The following GABRG3 variants were observed in gnomAD, a reference collection of about 807,000 sequenced individuals.
GABRG3 encodes the protein gamma-aminobutyric acid receptor subunit gamma-3.
In GABRG3, 25 loss-of-function variants were observed where a neutral mutation model predicts 48.8. The observed-to-expected ratio is 0.51, with a 90% CI of 0.37 to 0.72. The LOEUF is 0.72. GABRG3 is among the 30% of genes least tolerant of loss of function. The probability of loss-of-function intolerance (pLI) is 0.00; values close to 1 mark genes in which losing one functional copy is unlikely to be tolerated. For synonymous variants in GABRG3, 227 were observed against 217.6 expected, an observed-to-expected ratio of 1.04 and a Z score of -0.38; for missense variants, 394 against 577.9, an observed-to-expected ratio of 0.68 and a Z score of 3.26.
intron 5 of GABRG3, among the ~76,000 whole-genome samples, chr15:27,461,329 C>G (rs1461847591): frequency 6.6e-6 from 1 of 152,260 alleles, no homozygotes; most frequent in Middle Eastern, 3.4e-3. Flanking sequence ...TTTCACAAAT[C>G]AAAGTTTACA....
rs541712415 is a variant in GABRG3, at chr15:26,973,608, A to G, written c.53+2020A>G. Among the ~76,000 whole-genome samples the G allele has an allele frequency of 3.3e-4, 51 of 152,244 alleles. No homozygotes were observed. The South Asian group carries it at 0.011, about 32-fold the overall frequency. On this transcript the variant is annotated intron_variant, in intron 1 of 9. Coordinates refer to ENST00000615808, the MANE Select transcript of GABRG3 (RefSeq NM_033223.5). ...GGTCTGATGGCTGTGCTTTGTGGTG[A>G]TGGCTCAGCAGCTCCCCAGAAGGGG...
At chr15:27,271,259 C>G (rs1294597117) in intron 3 of GABRG3, among the ~76,000 whole-genome samples, 1 of 152,166 alleles carries the variant, frequency 6.6e-6, no homozygotes, top group Non-Finnish European at 1.5e-5. Flanking sequence ...AGGGCTTGTC[C>G]CGACATCCTG....
At chr15:27,023,982 A>T (rs1278982949) in intron 2 of GABRG3, among the ~76,000 whole-genome samples, 1 of 152,032 alleles carries the variant, frequency 6.6e-6, no homozygotes, top group Non-Finnish European at 1.5e-5. Flanking sequence ...TGTTGCTGTT[A>T]TTGTTGTGTT....
At chr15:27,083,110 G>A (rs1040919975) in intron 3 of GABRG3, among the ~76,000 whole-genome samples, 1 of 152,166 alleles carries the variant, frequency 6.6e-6, no homozygotes, top group African/African-American at 2.4e-5. Context: ...CATGTTTTTA[G>A]TGATAACTTA....
rs1889317076 is a variant in GABRG3 at position 27,457,429 on chromosome 15, C to T, written c.575-23221C>T. Among the ~76,000 whole-genome samples the T allele has an allele frequency of 6.6e-6, 1 of 152,210 alleles. No homozygotes were observed. The highest frequency in any genetic ancestry group is 2.4e-5 in the African/African-American group (1 of 41,460). ...CCTGTTCCTTTTTTCTTTCATCCTT[C>T]TCTATCTTTGTTCACTGACAATCTT... is the stretch of plus-strand genomic sequence containing the variant. On this transcript the variant is annotated intron_variant, in intron 5 of 9. Coordinates refer to ENST00000615808, the MANE Select transcript of GABRG3 (RefSeq NM_033223.5). The surrounding 1 kb of genome is among the most constrained non-coding windows in gnomAD (Gnocchi z 4.4).
intron 3 of GABRG3, among the ~76,000 whole-genome samples, chr15:27,132,654 CTCTT>C (rs1897940624): frequency 6.7e-6 from 1 of 150,216 alleles, no homozygotes; most frequent in Admixed American, 6.6e-5. Flanking sequence ...GTTGTAATGT[CTCTT>C]TCATCTTTTG....
chr15:27,156,298 C>CAAAAA (rs34055206), intron 3 of GABRG3, among the ~76,000 whole-genome samples: 32 of 78,106 alleles, frequency 4.1e-4, no homozygotes, highest in African/African-American at 1.1e-3. Flanking sequence ...CACTCTGTCT[C>CAAAAA]AAAAAAAAAA....
At chr15:27,066,221 C>T (rs573788272) in intron 3 of GABRG3, among the ~76,000 whole-genome samples, 10 of 152,290 alleles carry the variant, frequency 6.6e-5, no homozygotes, top group South Asian at 4.1e-4. Flanking sequence ...GATATAGTTA[C>T]GTTCATACAA....
At chr15:27,074,685 T>C (rs1387329814) in intron 3 of GABRG3, among the ~76,000 whole-genome samples, 2 of 151,968 alleles carry the variant, frequency 1.3e-5, no homozygotes, top group Admixed American at 6.5e-5. Context: ...TTATTATCCT[T>C]ACCTCGCAAA....
intron 3 of GABRG3, among the ~76,000 whole-genome samples, chr15:27,083,612 C>T (rs921218306): frequency 1.3e-5 from 2 of 152,104 alleles, no homozygotes; most frequent in Admixed American, 1.3e-4. Flanking sequence ...AGGCATGAAC[C>T]ACCGTGCCCA....
At chr15:27,411,164 AC>A (rs549266409) in intron 5 of GABRG3, among the ~76,000 whole-genome samples, 97 of 152,238 alleles carry the variant, frequency 6.4e-4, no homozygotes, top group Middle Eastern at 3.4e-3. Context: ...GACTAGCGTC[AC>A]CACCTCAGGC....
chr15:27,263,741 T>C (rs1838067935), intron 3 of GABRG3, among the ~76,000 whole-genome samples: 1 of 151,870 alleles, frequency 6.6e-6, no homozygotes, highest in African/African-American at 2.4e-5. Context: ...GTGCATATGG[T>C]CCCATGTTTA....
At chr15:27,419,277 G>C (rs1036504132) in intron 5 of GABRG3, among the ~76,000 whole-genome samples, 1 of 151,860 alleles carries the variant, frequency 6.6e-6, no homozygotes, top group African/African-American at 2.4e-5. Context: ...CAACTTTCCA[G>C]GTACCCACGC....
chr15:27,306,682 A>AC (rs1892501263), intron 3 of GABRG3, among the ~76,000 whole-genome samples: 2 of 28,686 alleles, frequency 7.0e-5, no homozygotes, highest in African/African-American at 2.8e-4. Context: ...ATAAACATAT[A>AC]TATGAACATG....
intron 3 of GABRG3, among the ~76,000 whole-genome samples, chr15:27,066,335 T>C (rs1896737265): frequency 6.6e-6 from 1 of 152,216 alleles, no homozygotes. Flanking sequence ...TGGCCATTTT[T>C]TCTGTGTTTA....
intron 5 of GABRG3, among the ~76,000 whole-genome samples, chr15:27,330,709 C>CAT (rs1893774849): frequency 6.6e-6 from 1 of 152,194 alleles, no homozygotes; most frequent in South Asian, 2.1e-4. Context: ...ACAATTCACA[C>CAT]ATAGTACTCA....
chr15:27,327,120 C>G, intron 4 of GABRG3, 91 bp downstream of exon 4: 3 of 1,135,402 alleles, frequency 2.6e-6, no homozygotes, highest in Non-Finnish European at 3.8e-6. Flanking sequence ...ATTTTCATCT[C>G]TAAGTCTATT....
intron 5 of GABRG3, among the ~76,000 whole-genome samples, chr15:27,371,878 C>A (rs1895427398): frequency 6.6e-6 from 1 of 152,020 alleles, no homozygotes. Flanking sequence ...ACGTGATGGG[C>A]AACATACAAT....
chr15:27,477,374 A>G (rs533357051), intron 5 of GABRG3, among the ~76,000 whole-genome samples: 108 of 152,272 alleles, frequency 7.1e-4, no homozygotes, highest in Non-Finnish European at 1.2e-3. Flanking sequence ...GAAAAGAAAA[A>G]CCATGGAGAC....
Sources: allele counts gnomAD v4.1 joint callset (sites outside exome capture counted in the v4.1 genomes callset), GRCh38; gene constraint gnomAD v4.1.1; non-coding constraint Gnocchi (gnomAD v3.1); transcripts MANE v1.5; gene names NCBI Gene and HGNC (gene_info 2026-07-23, HGNC 2026-07-21).